TENM3: variants seen among roughly 807,000 people sequenced by gnomAD.
TENM3 encodes teneurin-3.
Under a neutral mutation model 255.1 loss-of-function variants are expected in TENM3, and 63 were observed. The ratio of observed to expected loss-of-function variants is 0.25; its 90% CI spans 0.20 to 0.30. TENM3 has a LOEUF of 0.30. Ranked by LOEUF, TENM3 falls within the 10% of genes least tolerant of loss-of-function variation. The pLI, the probability that TENM3 is intolerant of heterozygous loss-of-function variation, is 1.00. For missense variants in TENM3, 2,929 were observed against 3,461.1 expected, an observed-to-expected ratio of 0.85 and a Z score of 3.86; for synonymous variants, 1,306 against 1,322.3, an observed-to-expected ratio of 0.99 and a Z score of 0.27.
intron 13 of TENM3, among the ~76,000 whole-genome samples, chr4:182,724,652 G>A (rs6825122): frequency 0.87 from 132,753 of 152,272 alleles, 58,103 homozygotes; most frequent in African/African-American, 0.93. Flanking sequence ...AACTAACAAA[G>A]ATGAATGACT....
At chr4:182,422,149 A>C (rs1239251491) in intron 3 of TENM3, among the ~76,000 whole-genome samples, 1 of 152,200 alleles carries the variant, frequency 6.6e-6, no homozygotes, top group African/African-American at 2.4e-5. Flanking sequence ...GAAGCCACGC[A>C]AATTCGTATC....
chr4:181,663,138 A>C, the TENM3 span, among the ~76,000 whole-genome samples: 10 of 152,298 alleles, frequency 6.6e-5, no homozygotes, highest in Non-Finnish European at 1.0e-4. Context: ...AAAAATTATC[A>C]CTGGTCACTC....
chr4:181,588,163 G>A, the TENM3 span, among the ~76,000 whole-genome samples: 15 of 152,262 alleles, frequency 9.9e-5, no homozygotes, highest in East Asian at 1.9e-4. Flanking sequence ...ACAGGGGAGC[G>A]GCCTCTGCTC....
chr4:181,807,195 C>T, the TENM3 span, among the ~76,000 whole-genome samples: 2 of 152,192 alleles, frequency 1.3e-5, no homozygotes, highest in African/African-American at 4.8e-5. Context: ...GCAAATTCCT[C>T]AACAGGAGAG....
chr4:182,267,211 T>C (rs1306313743), intron 1 of TENM3, among the ~76,000 whole-genome samples: 1 of 152,228 alleles, frequency 6.6e-6, no homozygotes, highest in East Asian at 1.9e-4. Flanking sequence ...TATTTACAGC[T>C]TTTAACAGTT....
chr4:181,526,059 T>A, the TENM3 span, among the ~76,000 whole-genome samples: 1 of 152,140 alleles, frequency 6.6e-6, no homozygotes, highest in African/African-American at 2.4e-5. Flanking sequence ...ACCAAAATAT[T>A]CACTAGCAGT....
the TENM3 span, among the ~76,000 whole-genome samples, chr4:181,732,480 A>T: frequency 1.3e-5 from 2 of 152,298 alleles, no homozygotes; most frequent in South Asian, 2.1e-4. Flanking sequence ...CGTAATGATT[A>T]TCTTAAAGGC....
chr4:181,663,178 A>T, the TENM3 span, among the ~76,000 whole-genome samples: 1 of 152,036 alleles, frequency 6.6e-6, no homozygotes, highest in African/African-American at 2.4e-5. Context: ...GGTCTGCTTC[A>T]TAGACATTTT....
chr4:182,095,720 T>C, the TENM3 span, among the ~76,000 whole-genome samples: 10 of 151,598 alleles, frequency 6.6e-5, no homozygotes, highest in Non-Finnish European at 1.3e-4. Flanking sequence ...AAAAGTGGAA[T>C]TGAAAAGTTC....
the TENM3 span, among the ~76,000 whole-genome samples, chr4:181,896,432 A>G: frequency 6.6e-6 from 1 of 152,300 alleles, no homozygotes; most frequent in Non-Finnish European, 1.5e-5. Flanking sequence ...AGAACTGAAA[A>G]GTCTTACTGA....
the TENM3 span, among the ~76,000 whole-genome samples, chr4:181,798,633 T>C: frequency 6.6e-6 from 1 of 152,230 alleles, no homozygotes; most frequent in Non-Finnish European, 1.5e-5. Flanking sequence ...GGTGTAACTG[T>C]TGTTTCAGAT....
the TENM3 span, among the ~76,000 whole-genome samples, chr4:181,772,807 G>A: frequency 6.6e-6 from 1 of 152,120 alleles, no homozygotes; most frequent in Admixed American, 6.5e-5. Flanking sequence ...AATTTCATAT[G>A]TTATCTGAAT....
At chr4:182,261,726 C>T (rs1758805658) in intron 1 of TENM3, among the ~76,000 whole-genome samples, 1 of 152,220 alleles carries the variant, frequency 6.6e-6, no homozygotes. Context: ...TGCTGATGCT[C>T]CCGCTTGCCC....
the TENM3 span, among the ~76,000 whole-genome samples, chr4:181,534,794 C>G: frequency 0.044 from 6,694 of 152,238 alleles, 225 homozygotes; most frequent in South Asian, 0.15. Context: ...ATCTTCCTCT[C>G]CAGGCTGTGA....
At chr4:182,305,623 C>T (rs906530250) in intron 1 of TENM3, among the ~76,000 whole-genome samples, 10 of 152,198 alleles carry the variant, frequency 6.6e-5, no homozygotes, top group East Asian at 1.9e-4. Flanking sequence ...TAGGTCCTTC[C>T]GATGTGTGTC....
In TENM3 at chr4:182,755,413, A is replaced by C. The variant is rs1762657952; in HGVS notation, c.4892+154A>C. On this transcript the variant is annotated intron_variant, in intron 22 of 27. Coordinates refer to ENST00000511685, the MANE Select transcript of TENM3 (RefSeq NM_001080477.4). ...GGATCCCGGCTGGGCACGGTGGCTC[A>C]TTCCCGTAGTCTCAGCTCCTGGGGA... 22 of 699,588 alleles carry C rather than the reference A, an allele frequency of 3.1e-5. 1 individual carries two copies. The South Asian group carries it at 4.6e-4, about 15-fold the overall frequency. The allele number at this position is 699,588 out of a possible 1,614,324, so 43.3% of individuals were successfully genotyped here.
At chr4:181,570,583 A>G in the TENM3 span, among the ~76,000 whole-genome samples, 2 of 93,914 alleles carry the variant, frequency 2.1e-5, no homozygotes, top group African/African-American at 8.7e-5. Context: ...AAAAGAGAGA[A>G]AAAGAAAGAA....
the TENM3 span, among the ~76,000 whole-genome samples, chr4:181,737,971 T>G: frequency 2.0e-5 from 3 of 151,284 alleles, no homozygotes; most frequent in African/African-American, 7.3e-5. Flanking sequence ...ATAAACATTA[T>G]ACAGCACAAT....
At chr4:182,308,105 T>C (rs1016363499) in intron 1 of TENM3, among the ~76,000 whole-genome samples, 1 of 152,204 alleles carries the variant, frequency 6.6e-6, no homozygotes, top group South Asian at 2.1e-4. Context: ...ACAAATTTAA[T>C]TGGGCCACTT....
Sources: gnomAD v4.1 joint callset for allele counts (sites outside exome capture counted in the v4.1 genomes callset) on GRCh38, gnomAD v4.1.1 for gene constraint, MANE v1.5 for transcripts, NCBI Gene and HGNC (gene_info 2026-07-23, HGNC 2026-07-21) for gene names.